TRDN: variants seen among roughly 807,000 people sequenced by gnomAD.
The protein encoded by TRDN is triadin, also known as triadin in skeletal muscle.
Under a neutral mutation model 149.7 loss-of-function variants are expected in TRDN, and 161 were observed. The ratio of observed to expected loss-of-function variants is 1.08; its 90% CI spans 0.95 to 1.23. TRDN has a LOEUF of 1.23. Ranked by LOEUF, TRDN falls within the 50% of genes most tolerant of loss-of-function variation. TRDN has a pLI of 0.00. For missense variants in TRDN, 896 were observed against 823.5 expected (o/e 1.09, Z -1.08); for synonymous variants, 294 against 250.5 (o/e 1.17, Z -1.64).
chr6:123,308,957 A>T (rs2114684916), intron 24 of TRDN, among the ~76,000 whole-genome samples: 1 of 152,144 alleles, frequency 6.6e-6, no homozygotes, highest in South Asian at 2.1e-4. Context: ...GCTCTAAATA[A>T]TTTTGAAAGT....
intron 4 of TRDN, among the ~76,000 whole-genome samples, chr6:123,546,451 A>G (rs73536767): frequency 0.015 from 2,327 of 152,126 alleles, 55 homozygotes; most frequent in African/African-American, 0.053. Context: ...CCATTGTTTG[A>G]ATCCACAGTA....
intron 12 of TRDN, among the ~76,000 whole-genome samples, chr6:123,405,602 C>T (rs1773161850): frequency 6.6e-6 from 1 of 152,080 alleles, no homozygotes; most frequent in South Asian, 2.1e-4. Flanking sequence ...TATTACATGA[C>T]GAGGCCGGAA....
At chr6:123,416,271 A>T (rs1036832297) in intron 12 of TRDN, among the ~76,000 whole-genome samples, 2 of 152,028 alleles carry the variant, frequency 1.3e-5, no homozygotes, top group Non-Finnish European at 2.9e-5. Context: ...ACTCAGGATA[A>T]TATCTTTTGT....
intron 38 of TRDN, among the ~76,000 whole-genome samples, chr6:123,245,239 A>T (rs12193421): frequency 0.043 from 6,546 of 152,294 alleles, 212 homozygotes; most frequent in Non-Finnish European, 0.068. Flanking sequence ...AAATTCACAC[A>T]TAACAATGTT....
chr6:123,328,612 A>T (rs1394063808), intron 23 of TRDN, among the ~76,000 whole-genome samples: 1 of 152,148 alleles, frequency 6.6e-6, no homozygotes, highest in Non-Finnish European at 1.5e-5. Flanking sequence ...TAGTAGGGAT[A>T]TTCCTGAACA....
intron 15 of TRDN, among the ~76,000 whole-genome samples, 162 bp downstream of exon 15, chr6:123,381,956 G>GCTTTCT (rs1554230329): frequency 7.2e-6 from 1 of 138,452 alleles, no homozygotes; most frequent in African/African-American, 2.7e-5. Context: ...TAGATTTGGC[G>GCTTTCT]CTCTCTCTCT....
At chr6:123,432,710 C>T (rs531388711) in intron 12 of TRDN, among the ~76,000 whole-genome samples, 2 of 152,148 alleles carry the variant, frequency 1.3e-5, no homozygotes, top group East Asian at 3.9e-4. Context: ...TTATCTTTCA[C>T]TCCACTGACT....
At chr6:123,461,766 A>G (rs963975454) in intron 10 of TRDN, among the ~76,000 whole-genome samples, 1 of 152,192 alleles carries the variant, frequency 6.6e-6, no homozygotes. Flanking sequence ...GAGATGCTGA[A>G]AAACATTTGA....
rs892252473 is a variant in TRDN, at chr6:123,464,442, G to C, written c.931+464C>G. The C allele has an allele frequency of 6.3e-6, 6 of 954,198 alleles. No individual in the cohort carries two copies. The African/African-American group carries it at 8.9e-5, about 14-fold the overall frequency. The allele number at this position is 954,198 out of a possible 1,614,324, so 59.1% of individuals were successfully genotyped here. On this transcript the variant is annotated intron_variant, in intron 10 of 40. Transcript: ENST00000334268. ...CTCACAATAACGCTAGGAGATCAGT[G>C]CTCTGCTTATATCATCTTAGAGATG... is the stretch of plus-strand genomic sequence containing the variant.
At chr6:123,379,912 G>C (rs576373650) in intron 16 of TRDN, among the ~76,000 whole-genome samples, 69 of 152,168 alleles carry the variant, frequency 4.5e-4, no homozygotes, top group African/African-American at 1.7e-3. Flanking sequence ...TATCTGAAAA[G>C]TGAACAACCT....
chr6:123,548,556 C>G lies in TRDN; in HGVS notation c.289G>C (p.Glu97Gln). The G allele has an allele frequency of 6.4e-7, 1 of 1,571,818 alleles. No individual in the cohort carries two copies. The highest frequency in any genetic ancestry group is 8.6e-7 in the Non-Finnish European group (1 of 1,157,508). The change falls in exon 3 of 41, where the codon GAG becomes CAG. Residue 97 changes from glutamate (E) to glutamine (Q), a missense_variant. By Grantham distance (29) the Glu-to-Gln change is conservative (BLOSUM62 2). Coordinates refer to ENST00000334268, the MANE Select transcript of TRDN (RefSeq NM_006073.4). Reference protein sequence around the residue: ...DPLKLVRDAMEETTDWIYGFF... With the variant: ...DPLKLVRDAMQETTDWIYGFF... ...CCATAGATCCAGTCCGTGGTTTCCT[C>G]CATAGCATCACGTACCAGTTTTAAA...
intron 8 of TRDN, chr6:123,501,798 T>C: frequency 1.2e-6 from 1 of 853,976 alleles, no homozygotes; most frequent in Non-Finnish European, 1.4e-6. Context: ...ACTCTTTGTG[T>C]AGAAATAAAA....
At chr6:123,558,551 C>T (rs1310226872) in intron 2 of TRDN, among the ~76,000 whole-genome samples, 3 of 152,158 alleles carry the variant, frequency 2.0e-5, no homozygotes, top group African/African-American at 7.2e-5. Flanking sequence ...AAAAACCCAG[C>T]CCAGTTCATG....
chr6:123,513,956 G>A (rs948104691), intron 6 of TRDN, among the ~76,000 whole-genome samples: 11 of 152,166 alleles, frequency 7.2e-5, no homozygotes, highest in African/African-American at 2.6e-4. Flanking sequence ...ATCTGGCCCA[G>A]CTATCCTAGA....
intron 1 of TRDN, among the ~76,000 whole-genome samples, chr6:123,580,095 G>T (rs1406079152): frequency 1.3e-5 from 2 of 152,094 alleles, no homozygotes; most frequent in African/African-American, 2.4e-5. Context: ...GCTCTTCTTT[G>T]TATATCAATT....
At chr6:123,223,663 C>G (rs1006435841) in intron 39 of TRDN, among the ~76,000 whole-genome samples, 1 of 137,990 alleles carries the variant, frequency 7.2e-6, no homozygotes, top group Non-Finnish European at 1.6e-5. Context: ...TTGAGTCCAG[C>G]CTTCCATTTC....
chr6:123,578,165 T>C (rs1055264225), intron 1 of TRDN, among the ~76,000 whole-genome samples: 2 of 152,234 alleles, frequency 1.3e-5, no homozygotes, highest in Non-Finnish European at 2.9e-5. Flanking sequence ...TTTTTACCTT[T>C]GTTGCTATTG....
chr6:123,340,793 C>T (rs1391923156), intron 21 of TRDN, among the ~76,000 whole-genome samples: 2 of 151,848 alleles, frequency 1.3e-5, no homozygotes, highest in Admixed American at 6.6e-5. Context: ...GAAAGTGAAA[C>T]GATATCTGAT....
intron 1 of TRDN, among the ~76,000 whole-genome samples, chr6:123,631,984 A>G (rs1277040348): frequency 6.6e-6 from 1 of 152,126 alleles, no homozygotes. Flanking sequence ...TAAAAATATA[A>G]TTATTCATTA....
Sources: gnomAD v4.1 joint callset for allele counts (sites outside exome capture counted in the v4.1 genomes callset) on GRCh38, gnomAD v4.1.1 for gene constraint, MANE v1.5 for transcripts, NCBI Gene and HGNC (gene_info 2026-07-23, HGNC 2026-07-21) for gene names.